PILRB: variants seen among roughly 807,000 people sequenced by gnomAD.
The protein encoded by PILRB is paired immunoglobin like type 2 receptor beta.
In PILRB, 21 loss-of-function variants were observed where a neutral mutation model predicts 20.5. That is an observed-to-expected ratio of 1.02 (90% CI 0.72 to 1.47). The LOEUF is 1.47. PILRB is among the 40% of genes most tolerant of loss of function. The probability of loss-of-function intolerance (pLI) is 0.00; values close to 1 mark genes in which losing one functional copy is unlikely to be tolerated. For synonymous variants in PILRB, 133 were observed against 115.1 expected, an observed-to-expected ratio of 1.16 and a Z score of -0.99; for missense variants, 253 against 272.1, an observed-to-expected ratio of 0.93 and a Z score of 0.49.
At chr7:100,362,079 G>C (rs188038233) in intron 3 of PILRB, among the ~76,000 whole-genome samples, 1 of 152,074 alleles carries the variant, frequency 6.6e-6, no homozygotes, top group African/African-American at 2.4e-5. Context: ...AGAGCAGGGG[G>C]GTCAGCAGGA....
intron 3 of PILRB, among the ~76,000 whole-genome samples, chr7:100,361,525 C>T (rs943607455): frequency 1.3e-5 from 2 of 152,052 alleles, no homozygotes; most frequent in Non-Finnish European, 2.9e-5. Context: ...AACCCCATCT[C>T]AATTAAAAAC....
intron 3 of PILRB, among the ~76,000 whole-genome samples, chr7:100,361,434 A>G (rs896500758): frequency 1.3e-5 from 2 of 152,148 alleles, no homozygotes; most frequent in Non-Finnish European, 2.9e-5. Context: ...GCTAATGCCT[A>G]TAATCCCAGC....
At chr7:100,359,648 A>G (rs1790472760) in intron 3 of PILRB, 111 bp downstream of exon 3, 2 of 923,658 alleles carry the variant, frequency 2.2e-6, no homozygotes. Flanking sequence ...GCTCCCCTCA[A>G]GCCCACCAAG....
At chr7:100,366,927 CAG>C (rs1447544089) in intron 3 of PILRB, among the ~76,000 whole-genome samples, 4 of 152,086 alleles carry the variant, frequency 2.6e-5, no homozygotes, top group African/African-American at 9.7e-5. Context: ...GGGGGAGCCT[CAG>C]GGTGCCAGCT....
intron 2 of PILRB, 78 bp from the exon 3 acceptor site, chr7:100,359,259 G>A (rs1189601707): frequency 6.5e-7 from 1 of 1,547,458 alleles, no homozygotes; most frequent in Non-Finnish European, 8.9e-7. Flanking sequence ...CCCCAATCTA[G>A]AAAGCAGCAC....
chr7:100,361,005 G>A (rs992636151), intron 3 of PILRB, among the ~76,000 whole-genome samples: 2 of 152,000 alleles, frequency 1.3e-5, no homozygotes, highest in Admixed American at 6.5e-5. Context: ...GCACAATCTC[G>A]GCTCACTGCA....
At chr7:100,359,623 AT>A in intron 3 of PILRB, 86 bp downstream of exon 3, 1 of 1,153,338 alleles carries the variant, frequency 8.7e-7, no homozygotes, top group Non-Finnish European at 1.3e-6. Flanking sequence ...CTTCAGAAAT[AT>A]GCAGACCCTG....
intron 3 of PILRB, among the ~76,000 whole-genome samples, chr7:100,362,360 C>A (rs145249162): frequency 6.6e-6 from 1 of 152,090 alleles, no homozygotes. Flanking sequence ...AAGGACTGTA[C>A]GCCATGACCA....
At chr7:100,358,423 C>T (rs1790425916) in intron 1 of PILRB, 57 bp downstream of exon 1, 1 of 1,585,498 alleles carries the variant, frequency 6.3e-7, no homozygotes, top group East Asian at 2.2e-5. Context: ...GAGGGGCCAA[C>T]CCAAGACAAA....
intron 3 of PILRB, among the ~76,000 whole-genome samples, chr7:100,361,408 C>T (rs1190655521): frequency 6.6e-6 from 1 of 152,178 alleles, no homozygotes; most frequent in African/African-American, 2.4e-5. Flanking sequence ...AGAAAGTCTT[C>T]AGGCCAGGCA....
chr7:100,364,358 G>A (rs911276232), intron 3 of PILRB, among the ~76,000 whole-genome samples: 6 of 152,208 alleles, frequency 3.9e-5, no homozygotes, highest in Non-Finnish European at 8.8e-5. Flanking sequence ...ACTGTCCAGT[G>A]TCTAGAAGAA....
intron 1 of PILRB, 130 bp downstream of exon 1, chr7:100,358,496 G>A: frequency 7.8e-7 from 1 of 1,283,608 alleles, no homozygotes; most frequent in Non-Finnish European, 1.1e-6. Context: ...GGTCCCATAG[G>A]GGTGGGTGCC....
At position 100,358,306 on chromosome 7, in the gene PILRB, G is replaced by C. The variant is rs775857466; in HGVS notation, c.4G>C (p.Gly2Arg). 5.0e-6 allele frequency: 8 copies of C among 1,612,738 alleles called. No individual in the cohort carries two copies. In the South Asian group the frequency reaches 6.6e-5, roughly 13 times the overall value. M[G>R]RPLLLPLLLL... Reference sequence around the variant, plus strand: ...TCCCCTGGAGAAGAACAAGGCCATGGGTCGGCCCCTGCTGCTGCCCCTGCT... The same window carrying C: ...TCCCCTGGAGAAGAACAAGGCCATGCGTCGGCCCCTGCTGCTGCCCCTGCT... Residue 2 changes from glycine (G) to arginine (R), a missense_variant, in exon 1 of 4, where the codon GGT becomes CGT. Gly to Arg is a moderately radical substitution (Grantham distance 125). Coordinates refer to ENST00000609309, the MANE Select transcript of PILRB (RefSeq NM_178238.4).
rs1790634192 is a variant in PILRB, at chr7:100,364,966, A to C, written c.656-2383A>C. 3.9e-5 allele frequency among the ~76,000 whole-genome samples: 6 copies of C among 151,956 alleles called. No homozygotes were observed. The South Asian group carries it at 1.2e-3, about 32-fold the overall frequency. On this transcript the variant is annotated intron_variant, in intron 3 of 3. Transcript: ENST00000609309. ...AAGATCCTGTCTATTAAAAAAAAAA[A>C]GTTCTGAAAAAAATAATATTATTGA...
At chr7:100,361,420 G>A (rs1425512994) in intron 3 of PILRB, among the ~76,000 whole-genome samples, 2 of 152,146 alleles carry the variant, frequency 1.3e-5, no homozygotes, top group Non-Finnish European at 2.9e-5. Flanking sequence ...GGCCAGGCAC[G>A]GTGGCTAATG....
chr7:100,364,404 G>A (rs969400555), intron 3 of PILRB, among the ~76,000 whole-genome samples: 2 of 152,170 alleles, frequency 1.3e-5, no homozygotes, highest in Non-Finnish European at 2.9e-5. Context: ...GAGACAAGAT[G>A]GTGGGTCCTT....
chr7:100,362,937 CT>C (rs1270902474), intron 3 of PILRB, among the ~76,000 whole-genome samples: 3 of 152,140 alleles, frequency 2.0e-5, no homozygotes, highest in Non-Finnish European at 2.9e-5. Flanking sequence ...AGACTGAAAT[CT>C]TTGCCTCCAA....
intron 3 of PILRB, among the ~76,000 whole-genome samples, chr7:100,365,976 CAG>C (rs961842417): frequency 3.4e-5 from 4 of 117,644 alleles, no homozygotes; most frequent in East Asian, 2.7e-4. Context: ...TTTTTTTAGA[CAG>C]AGTCTCGCTT....
chr7:100,363,042 C>T (rs1333893793), intron 3 of PILRB, among the ~76,000 whole-genome samples: 1 of 151,216 alleles, frequency 6.6e-6, no homozygotes, highest in Non-Finnish European at 1.5e-5. Flanking sequence ...ACCTGTAATC[C>T]CAGCACTTTT....
Sources: allele counts gnomAD v4.1 joint callset (sites outside exome capture counted in the v4.1 genomes callset), GRCh38; gene constraint gnomAD v4.1.1; transcripts MANE v1.5; gene names NCBI Gene and HGNC (gene_info 2026-07-23, HGNC 2026-07-21).